Variants in GABRA2 observed in about 807,000 individuals in gnomAD.
GABRA2 encodes the protein gamma-aminobutyric acid receptor subunit alpha-2.
GABRA2 carries 16 observed loss-of-function variants against 48.7 expected under a neutral mutation model. The observed-to-expected ratio is 0.33, with a 90% CI of 0.22 to 0.50. GABRA2 has a LOEUF of 0.50. Among genes scored for constraint, GABRA2 ranks in the 20% least tolerant of loss-of-function variants. GABRA2 has a pLI of 0.98. For synonymous variants in GABRA2, 185 were observed against 184.5 expected (o/e 1.00, Z -0.02); for missense variants, 275 against 535.6 (o/e 0.51, Z 4.80).
chr4:46,371,280 A>C (rs969914981), intron 3 of GABRA2, among the ~76,000 whole-genome samples: 1 of 152,146 alleles, frequency 6.6e-6, no homozygotes, highest in Non-Finnish European at 1.5e-5. Context: ...CATCCCTTTT[A>C]TCTCTCCAAA....
intron 3 of GABRA2, among the ~76,000 whole-genome samples, chr4:46,371,154 C>G (rs1049995008): frequency 2.6e-5 from 4 of 152,148 alleles, no homozygotes; most frequent in African/African-American, 9.7e-5. Flanking sequence ...CTCCTCTTAG[C>G]AAGTCTGTAA....
intron 3 of GABRA2, among the ~76,000 whole-genome samples, chr4:46,377,451 C>A (rs1715948620): frequency 6.7e-6 from 1 of 148,912 alleles, no homozygotes; most frequent in East Asian, 2.1e-4. Context: ...AGGAGACCCT[C>A]TGCCTGGCAA....
At chr4:46,372,049 T>A (rs993021442) in intron 3 of GABRA2, among the ~76,000 whole-genome samples, 2 of 152,174 alleles carry the variant, frequency 1.3e-5, no homozygotes, top group African/African-American at 2.4e-5. Context: ...TGAATCAACA[T>A]ATGCATGTTA....
At chr4:46,298,162 T>C (rs1220905329) in intron 8 of GABRA2, among the ~76,000 whole-genome samples, 2 of 152,100 alleles carry the variant, frequency 1.3e-5, no homozygotes, top group African/African-American at 4.8e-5. Flanking sequence ...TCAGTTCTAT[T>C]CTAACAAATG....
In GABRA2 at chr4:46,357,375, A is replaced by C. The variant is rs180978173; in HGVS notation, c.188-24693T>G. ...GGCCCCATAAGCCCTAAACAGCTAC[A>C]GAGGAGCAATTAGGCATGCTTCTTA... On this transcript the variant is annotated intron_variant, in intron 3 of 9. Transcript: ENST00000381620. Among the ~76,000 whole-genome samples, 4 of 148,904 alleles carry C rather than the reference A, an allele frequency of 2.7e-5. No individual in the cohort carries two copies. The East Asian group carries it at 7.9e-4, about 30-fold the overall frequency.
intron 3 of GABRA2, among the ~76,000 whole-genome samples, chr4:46,351,100 G>C (rs1735048843): frequency 6.8e-6 from 1 of 147,266 alleles, no homozygotes; most frequent in African/African-American, 2.5e-5. Flanking sequence ...TTATTACATG[G>C]TCTCATTGTT....
chr4:46,291,646 C>T (rs985471580), intron 8 of GABRA2, among the ~76,000 whole-genome samples: 1 of 152,000 alleles, frequency 6.6e-6, no homozygotes, highest in African/African-American at 2.4e-5. Flanking sequence ...TGTCTGCCCT[C>T]AAATTTCGCA....
In GABRA2 at chr4:46,247,955, T is replaced by G. The variant is rs577084954; in HGVS notation, c.*2353A>C. Among the ~76,000 whole-genome samples, 1 of 151,226 alleles carries G rather than the reference T, an allele frequency of 6.6e-6. No homozygotes were observed. The highest frequency in any genetic ancestry group is 1.5e-5 in the Non-Finnish European group (1 of 67,464). On this transcript the variant is annotated 3_prime_UTR_variant, in exon 10 of 10. Coordinates refer to ENST00000381620, the MANE Select transcript of GABRA2 (RefSeq NM_000807.4). The stretch of plus-strand genomic sequence containing the variant: ...AAAATCTGAACTGCCAGAATGTCAT[T>G]GCACTCAAATAAAATTTTACCACAT...
rs537804289 is a variant in GABRA2, at chr4:46,350,097, T to A, written c.188-17415A>T. Among the ~76,000 whole-genome samples the A allele has an allele frequency of 7.9e-5, 12 of 152,034 alleles. 1 individual carries two copies. The highest frequency in any genetic ancestry group is 2.4e-4 in the African/African-American group (10 of 41,542). ...CCCCATGAACTGTAATTATATTCAT[T>A]TTATCATCATCCAAATTCAACAGCT... On this transcript the variant is annotated intron_variant, in intron 3 of 9. Coordinates refer to ENST00000381620, the MANE Select transcript of GABRA2 (RefSeq NM_000807.4).
In GABRA2 at chr4:46,247,932, A is replaced by C. The variant is rs1416493444; in HGVS notation, c.*2376T>G. Among the ~76,000 whole-genome samples, 1 of 151,224 alleles carries C rather than the reference A, an allele frequency of 6.6e-6. No individual in the cohort carries two copies. On this transcript the variant is annotated 3_prime_UTR_variant, in exon 10 of 10. Transcript: ENST00000381620. ...AGAATTCTGATCCCTAGCACTGAAAAATCTGAACTGCCAGAATGTCATTGC... is the reference window on the plus strand; with the variant it reads ...AGAATTCTGATCCCTAGCACTGAAACATCTGAACTGCCAGAATGTCATTGC...
Position 46,261,988 on chromosome 4 carries a change from T to C in GABRA2, c.997A>G (p.Thr333Ala). 1 of 1,613,844 alleles carries C rather than the reference T, an allele frequency of 6.2e-7. No individual in the cohort carries two copies. Residue 333 changes from threonine to alanine, a missense_variant, in exon 9 of 10, where the codon ACT becomes GCT. Physicochemically the swap from Thr to Ala is moderately conservative, Grantham distance 58. Coordinates refer to ENST00000381620, the MANE Select transcript of GABRA2 (RefSeq NM_000807.4). ...CCTCTTTTGGTGAAGTAATTAACAG[T>C]TGCAAATTCAATTAGGGCAGAGAAC... ...FVFSALIEFA[T>A]VNYFTKRGWA...
chr4:46,367,190 T>C lies in GABRA2; in HGVS notation c.187+18884A>G, dbSNP rs186910782. Reference sequence around the variant, plus strand: ...TGTTTCTGAGAAGGATGACTCGTTGTTAGCAATGTCAGAAGTCTAAACCAC... The same window carrying C: ...TGTTTCTGAGAAGGATGACTCGTTGCTAGCAATGTCAGAAGTCTAAACCAC... On this transcript the variant is annotated intron_variant, in intron 3 of 9. Coordinates refer to ENST00000381620, the MANE Select transcript of GABRA2 (RefSeq NM_000807.4). 8 of 152,268 alleles carry C rather than the reference T, an allele frequency of 5.3e-5. No homozygotes were observed. In the East Asian group the frequency reaches 1.5e-3, roughly 29 times the overall value. 9.4% of individuals were successfully genotyped at this position (152,268 alleles called of 1,614,324 possible).
rs1476581450 is a variant in GABRA2, at chr4:46,291,809, G to GTA, written c.856+11649_856+11650dup. 6.1e-4 allele frequency among the ~76,000 whole-genome samples: 84 copies of GTA among 137,180 alleles called. 1 individual carries two copies. The Middle Eastern group carries it at 0.011, about 18-fold the overall frequency. 90.0% of individuals were successfully genotyped at this position (137,180 alleles called of 152,430 possible). A position where few individuals can be genotyped will look rare whatever the true frequency, so the allele number is the denominator to read the frequency against. On this transcript the variant is annotated intron_variant, in intron 8 of 9. Transcript: ENST00000381620. Reference sequence around the variant, plus strand: ...TATATATACATATACATATATATGTGTATATATATATCATCTCCTATTAGT... The same window carrying GTA: ...TATATATACATATACATATATATGTGTATATATATATATCATCTCCTATTAGT...
chr4:46,304,864 G>A (rs960173804), intron 7 of GABRA2, among the ~76,000 whole-genome samples: 1 of 148,164 alleles, frequency 6.7e-6, no homozygotes, highest in African/African-American at 2.5e-5. Context: ...AGTGGAGGTT[G>A]CAGTGAGCCC....
In GABRA2 at chr4:46,303,451, T is replaced by C. The variant is rs773629740; in HGVS notation, c.856+9A>G. On this transcript the variant is annotated intron_variant, in intron 8 of 9. Coordinates refer to ENST00000381620, the MANE Select transcript of GABRA2 (RefSeq NM_000807.4). ...AATGTGCTGTACTGCAAAGTGTGTA[T>C]TCACTCACCAAACACAGTTCTTGCA... 7 of 1,612,522 alleles carry C rather than the reference T, an allele frequency of 4.3e-6. No individual in the cohort carries two copies. The South Asian group carries it at 6.6e-5, about 15-fold the overall frequency.
intron 3 of GABRA2, among the ~76,000 whole-genome samples, chr4:46,350,145 A>T (rs962357967): frequency 6.6e-6 from 1 of 151,934 alleles, no homozygotes; most frequent in Non-Finnish European, 1.5e-5. Context: ...ATCTGCATTG[A>T]AATATTTTAC....
At chr4:46,389,548 A>C (rs945245508) in intron 1 of GABRA2, 187 bp downstream of exon 1, 4 of 450,806 alleles carry the variant, frequency 8.9e-6, no homozygotes, top group Admixed American at 6.4e-5. Flanking sequence ...TGTAGTTGCA[A>C]ATATGCTTCT....
intron 8 of GABRA2, among the ~76,000 whole-genome samples, chr4:46,298,841 A>G (rs968774246): frequency 1.3e-5 from 2 of 151,910 alleles, no homozygotes; most frequent in African/African-American, 4.8e-5. Context: ...ACTCACATTG[A>G]AAACTGTGTA....
rs140916392 is a variant in GABRA2, at chr4:46,361,483, A to G, written c.187+24591T>C. On this transcript the variant is annotated intron_variant, in intron 3 of 9. Coordinates refer to ENST00000381620, the MANE Select transcript of GABRA2 (RefSeq NM_000807.4). ...CCTCCGCCTGGATTTCAAAGGATGT[A>G]TGGAAATGCCTAGATGTCCAGGCAG... Among the ~76,000 whole-genome samples, 103 of 152,350 alleles carry G rather than the reference A, an allele frequency of 6.8e-4. 1 individual carries two copies. In the East Asian group the frequency reaches 0.019, roughly 28 times the overall value.
Sources: allele counts gnomAD v4.1 joint callset (sites outside exome capture counted in the v4.1 genomes callset), GRCh38; gene constraint gnomAD v4.1.1; transcripts MANE v1.5; gene names NCBI Gene and HGNC (gene_info 2026-07-23, HGNC 2026-07-21).